Variants in FER observed in about 807,000 individuals in gnomAD.
The protein encoded by FER is FER tyrosine kinase.
A neutral mutation model predicts 111.0 loss-of-function variants in FER; 63 were observed. The ratio of observed to expected loss-of-function variants is 0.57; its 90% CI spans 0.46 to 0.70. FER has a LOEUF of 0.70. Among genes scored for constraint, FER ranks in the 30% least tolerant of loss-of-function variants. FER has a pLI of 0.00. For synonymous variants in FER, 327 were observed against 313.9 expected (o/e 1.04, Z -0.44); for missense variants, 914 against 954.0 (o/e 0.96, Z 0.55).
rs543526618 is a variant in FER at position 109,021,679 on chromosome 5, A to G, written c.1657-15743A>G. Among the ~76,000 whole-genome samples, 13 of 152,228 alleles carry G rather than the reference A, an allele frequency of 8.5e-5. 1 individual carries two copies. Among genetic ancestry groups the G allele is most frequent in the African/African-American group, 3.1e-4 (13 of 41,566 alleles). Reference sequence around the variant, plus strand: ...AACATATATCCCATCTCATTACTATAAAGTAATTAATTTTCTACTAAACTG... The same window carrying G: ...AACATATATCCCATCTCATTACTATGAAGTAATTAATTTTCTACTAAACTG... On this transcript the variant is annotated intron_variant, in intron 13 of 19. Transcript: ENST00000281092.
At chr5:109,040,344 A>G (rs1331351723) in intron 14 of FER, among the ~76,000 whole-genome samples, 1 of 152,136 alleles carries the variant, frequency 6.6e-6, no homozygotes, top group Non-Finnish European at 1.5e-5. Flanking sequence ...CCACTCGAAC[A>G]TTAAGAGGTG....
chr5:109,073,902 AT>A (rs1461966602), intron 16 of FER, among the ~76,000 whole-genome samples: 2 of 152,334 alleles, frequency 1.3e-5, no homozygotes, highest in Admixed American at 1.3e-4. Flanking sequence ...TAATAAAAAA[AT>A]ACATTATTAA....
chr5:109,164,352 A>G (rs1756316501), intron 17 of FER, among the ~76,000 whole-genome samples: 1 of 152,184 alleles, frequency 6.6e-6, no homozygotes, highest in South Asian at 2.1e-4. Context: ...AGATAGTCCA[A>G]GGTGGCCTCC....
At chr5:109,100,650 A>C in intron 17 of FER, 131 bp downstream of exon 17, 2 of 906,026 alleles carry the variant, frequency 2.2e-6, no homozygotes, top group Middle Eastern at 7.1e-4. Flanking sequence ...TTTTGTGTGA[A>C]AGTGTCCTCT....
intron 17 of FER, among the ~76,000 whole-genome samples, chr5:109,155,659 G>A (rs1755288982): frequency 6.6e-6 from 1 of 151,988 alleles, no homozygotes; most frequent in Admixed American, 6.6e-5. Flanking sequence ...TTTTTCACAA[G>A]AGTGAAAATA....
intron 16 of FER, among the ~76,000 whole-genome samples, chr5:109,047,634 T>G (rs2149913207): frequency 6.6e-6 from 1 of 152,312 alleles, no homozygotes; most frequent in South Asian, 2.1e-4. Context: ...GGAGTCTCAC[T>G]ATATTGCTCA....
intron 13 of FER, among the ~76,000 whole-genome samples, chr5:108,969,475 G>A (rs1038832295): frequency 3.3e-5 from 5 of 152,052 alleles, no homozygotes; most frequent in Non-Finnish European, 7.4e-5. Context: ...TTATAAGTCT[G>A]ATTTTGCTTT....
intron 10 of FER, among the ~76,000 whole-genome samples, chr5:108,911,942 G>A (rs1042287109): frequency 2.0e-5 from 3 of 152,122 alleles, no homozygotes; most frequent in African/African-American, 7.2e-5. Flanking sequence ...CAGGTACCTG[G>A]TTGGAGATAA....
Position 109,180,841 on chromosome 5 carries a change from T to C in FER, c.2143T>C (p.Ser715Pro), listed in dbSNP as rs765156217. The C allele has an allele frequency of 5.6e-6, 9 of 1,613,602 alleles. No individual in the cohort carries two copies. The highest frequency in any genetic ancestry group is 7.6e-6 in the Non-Finnish European group (9 of 1,179,764). The change falls in exon 18 of 20, where the codon TCA becomes CCA. Residue 715 changes from serine to proline, a missense_variant. This residue lies in a region of FER where 134 missense variants were observed against 149.4 expected (regional missense o/e 0.90). Transcript: ENST00000281092. ...TCGTCAAGAGGATGGTGGAGTGTAT[T>C]CATCTTCTGGCTTAAAGCAGATTCC... Reference protein sequence around the residue: ...MSRQEDGGVYSSSGLKQIPIK... With the variant: ...MSRQEDGGVYPSSGLKQIPIK...
chr5:108,812,429 C>T (rs978162151), intron 3 of FER, among the ~76,000 whole-genome samples: 3 of 151,962 alleles, frequency 2.0e-5, no homozygotes, highest in Admixed American at 6.6e-5. Context: ...CGTGGTATGT[C>T]GTTTTTCATC....
chr5:108,883,384 T>A lies in FER; in HGVS notation c.924-12T>A. On this transcript the variant is annotated splice_polypyrimidine_tract_variant and intron_variant, in intron 8 of 19. Transcript: ENST00000281092. ...ATTTGTTGGTTGTTATTGAGGATAC[T>A]GTTTATTCTAGGTTGAAAACGTTAG... 6.3e-7 allele frequency: 1 copy of A among 1,587,416 alleles called. No individual in the cohort carries two copies. The highest frequency in any genetic ancestry group is 8.6e-7 in the Non-Finnish European group (1 of 1,168,178).
At chr5:109,052,607 C>A (rs753543310) in intron 16 of FER, 1 of 579,462 alleles carries the variant, frequency 1.7e-6, no homozygotes, top group Non-Finnish European at 3.1e-6. Flanking sequence ...TTGTTACTTT[C>A]CTCACACCTT....
chr5:109,038,539 C>T (rs922210619), intron 14 of FER, among the ~76,000 whole-genome samples: 1 of 151,758 alleles, frequency 6.6e-6, no homozygotes, highest in Non-Finnish European at 1.5e-5. Flanking sequence ...ATACTTTTCC[C>T]AAAGCATCGA....
At chr5:109,051,342 G>C in intron 16 of FER, 1 of 1,607,448 alleles carries the variant, frequency 6.2e-7, no homozygotes, top group Non-Finnish European at 8.5e-7. Flanking sequence ...GCTGAGGCCT[G>C]CTGCTGGCAC....
chr5:108,995,982 T>G (rs1017964473), intron 13 of FER, among the ~76,000 whole-genome samples: 1 of 152,216 alleles, frequency 6.6e-6, no homozygotes, highest in Non-Finnish European at 1.5e-5. Flanking sequence ...ATGGTATCTC[T>G]TTGTGGTTTT....
chr5:108,820,346 G>T, intron 3 of FER: 1 of 985,364 alleles, frequency 1.0e-6, no homozygotes, highest in Non-Finnish European at 1.2e-6. Flanking sequence ...TTAATTTTTG[G>T]TAGGAGAAAA....
intron 17 of FER, among the ~76,000 whole-genome samples, chr5:109,103,239 ATCT>A (rs1201760132): frequency 2.0e-5 from 3 of 152,268 alleles, no homozygotes; most frequent in East Asian, 1.9e-4. Flanking sequence ...AAAATTTTAA[ATCT>A]TCTTTAAATT....
At chr5:108,844,099 T>C (rs929011994) in intron 5 of FER, among the ~76,000 whole-genome samples, 28 of 141,082 alleles carry the variant, frequency 2.0e-4, no homozygotes, top group South Asian at 9.2e-4. Context: ...TGAACATATG[T>C]GTGTGAACAT....
intron 14 of FER, among the ~76,000 whole-genome samples, chr5:109,043,510 T>C (rs1771483583): frequency 6.6e-6 from 1 of 152,156 alleles, no homozygotes; most frequent in Admixed American, 6.5e-5. Flanking sequence ...TTTTAAGGTA[T>C]TTTAATAATT....
Sources: gnomAD v4.1 joint callset for allele counts (sites outside exome capture counted in the v4.1 genomes callset) on GRCh38, gnomAD v4.1.1 for gene constraint, gnomAD v4.1.1 regional missense constraint, MANE v1.5 for transcripts, NCBI Gene and HGNC (gene_info 2026-07-23, HGNC 2026-07-21) for gene names.